The following GUF1 variants were observed in gnomAD, a reference collection of about 807,000 sequenced individuals.
GUF1 encodes the protein GTP binding elongation factor GUF1.
GUF1 carries 78 observed loss-of-function variants against 82.4 expected under a neutral mutation model. The ratio of observed to expected loss-of-function variants is 0.95; its 90% CI spans 0.79 to 1.14. The LOEUF (loss-of-function observed/expected upper bound fraction) is 1.14. Ranked by LOEUF, GUF1 falls within the 50% of genes most tolerant of loss-of-function variation. The pLI is 0.00. For synonymous variants in GUF1, 279 were observed against 282.3 expected (o/e 0.99, Z 0.12); for missense variants, 814 against 798.2 (o/e 1.02, Z -0.24).
In GUF1 at chr4:44,678,503, C is replaced by A. The variant is rs112313750; in HGVS notation, c.-120C>A. 5 of 806,556 alleles carry A rather than the reference C, an allele frequency of 6.2e-6. 1 individual carries two copies. In the African/African-American group the frequency reaches 7.3e-5, roughly 12 times the overall value. 50.0% of individuals were successfully genotyped at this position (806,556 alleles called of 1,614,324 possible). A position where few individuals can be genotyped will look rare whatever the true frequency, so the allele number is the denominator to read the frequency against. The stretch of plus-strand genomic sequence containing the variant: ...AGCTCCCCGGGGTTCATTGTCTTCG[C>A]TTCACAGGATCTGTTTGAGTCCTGT... On this transcript the variant is annotated 5_prime_UTR_variant, in exon 1 of 17. Transcript: ENST00000281543.
In GUF1 at chr4:44,689,984, T is replaced by G. The variant is rs1197484724; in HGVS notation, c.1335+9T>G. On this transcript the variant is annotated intron_variant, in intron 11 of 16. Coordinates refer to ENST00000281543, the MANE Select transcript of GUF1 (RefSeq NM_021927.3). ...CATCAAAATTGATAAAGGTACTTGG[T>G]ATTTAGTACTGGTATTTAGTACTGT... The G allele has an allele frequency of 6.4e-7, 1 of 1,559,160 alleles. No individual in the cohort carries two copies. Among genetic ancestry groups the G allele is most frequent in the Non-Finnish European group, 8.7e-7 (1 of 1,146,640 alleles).
At chr4:44,690,631 G>A (rs563747904) in intron 11 of GUF1, 86 bp from the exon 12 acceptor site, 3 of 720,026 alleles carry the variant, frequency 4.2e-6, no homozygotes, top group East Asian at 5.6e-5. Context: ...ATTACAGCTG[G>A]AGGGATTTTA....
At position 44,697,457 on chromosome 4, in the gene GUF1, T is replaced by C. The variant is rs1341588789; in HGVS notation, c.1872+13T>C. The C allele has an allele frequency of 9.0e-6, 13 of 1,436,810 alleles. No homozygotes were observed. Among genetic ancestry groups the C allele is most frequent in the Non-Finnish European group, 1.3e-5 (13 of 1,032,640 alleles). 89.0% of individuals were successfully genotyped at this position (1,436,810 alleles called of 1,614,324 possible). The stretch of plus-strand genomic sequence containing the variant: ...TTTGGCAAAATGTGTATGTATCTAG[T>C]TGTATTTATTCTACTTTATAACTTT... On this transcript the variant is annotated intron_variant, in intron 16 of 16. Transcript: ENST00000281543.
At chr4:44,682,844 C>T (rs987333341) in intron 5 of GUF1, among the ~76,000 whole-genome samples, 21 of 151,938 alleles carry the variant, frequency 1.4e-4, no homozygotes, top group Admixed American at 2.0e-4. Flanking sequence ...ATCTGCATTG[C>T]TTTAATTATA....
At position 44,686,004 on chromosome 4, in the gene GUF1, A is replaced by C. The variant is rs7666143; in HGVS notation, c.715A>C (p.Ile239Leu). The C allele has an allele frequency of 6.2e-7, 1 of 1,606,196 alleles. No homozygotes were observed. Among genetic ancestry groups the C allele is most frequent in the Non-Finnish European group, 8.5e-7 (1 of 1,173,920 alleles). The change falls in exon 7 of 17, where the codon ATT (isoleucine) becomes CTT (leucine). Residue 239 changes from isoleucine to leucine, a missense_variant. By Grantham distance (5) the Ile-to-Leu change is conservative. Transcript: ENST00000281543. ...AAATGTTGAGAGTGTTCTTCAGGCAATTATTGAAAGAATCCCCCCGTGAGT... is the reference window on the plus strand; with the variant it reads ...AAATGTTGAGAGTGTTCTTCAGGCACTTATTGAAAGAATCCCCCCGTGAGT... ...GTNVESVLQA[I>L]IERIPPPKVH...
At chr4:44,694,332 C>T (rs1715640605) in intron 13 of GUF1, 80 bp from the exon 14 acceptor site, 2 of 823,754 alleles carry the variant, frequency 2.4e-6, no homozygotes, top group African/African-American at 1.7e-5. Context: ...AGAAAGTAGA[C>T]ATTTAGTAAA....
At chr4:44,691,041 T>C (rs369605056) in intron 12 of GUF1, among the ~76,000 whole-genome samples, 181 bp downstream of exon 12, 7 of 151,812 alleles carry the variant, frequency 4.6e-5, no homozygotes, top group East Asian at 1.9e-4. Flanking sequence ...ATTTTGATTT[T>C]AAATAAAAAT....
intron 3 of GUF1, 38 bp downstream of exon 3, chr4:44,680,880 C>G: frequency 2.0e-6 from 3 of 1,529,474 alleles, no homozygotes; most frequent in Non-Finnish European, 2.7e-6. Flanking sequence ...TTGTTAAAGT[C>G]AACATTGTGT....
intron 1 of GUF1, among the ~76,000 whole-genome samples, chr4:44,679,123 T>G (rs984277353): frequency 4.6e-5 from 7 of 152,236 alleles, no homozygotes; most frequent in African/African-American, 1.7e-4. Flanking sequence ...AATATTAATA[T>G]AACGTCCATT....
Position 44,695,644 on chromosome 4 carries a change from T to C in GUF1, c.1745T>C (p.Ile582Thr), listed in dbSNP as rs767629572. Residue 582 changes from isoleucine (I) to threonine (T), a missense_variant, in exon 15 of 17, where the codon ATA becomes ACA. By Grantham distance (89) the Ile-to-Thr change is moderately conservative. Coordinates refer to ENST00000281543, the MANE Select transcript of GUF1 (RefSeq NM_021927.3). ...AAAGCTCATTCAATTGGCAAAGCCA[T>C]ATGTGAACGGCTGAAGGATTCTCTT... ...KDKAHSIGKA[I>T]CERLKDSLPR... 6.2e-6 allele frequency: 10 copies of C among 1,613,148 alleles called. No individual in the cohort carries two copies. Among genetic ancestry groups the C allele is most frequent in the Non-Finnish European group, 5.9e-6 (7 of 1,179,458 alleles).
At chr4:44,697,337 T>C in intron 15 of GUF1, 71 bp from the exon 16 acceptor site, 1 of 889,546 alleles carries the variant, frequency 1.1e-6, no homozygotes. Flanking sequence ...GGGGAGATTG[T>C]TTTTGGTAAG....
At position 44,692,554 on chromosome 4, in the gene GUF1, C is replaced by A. The variant is rs1249767169; in HGVS notation, c.1613+755C>A. On this transcript the variant is annotated intron_variant, in intron 13 of 16. Coordinates refer to ENST00000281543, the MANE Select transcript of GUF1 (RefSeq NM_021927.3). ...AAAATGAACATTGACATCTATAAAA[C>A]TCCCACACAGTGCATGAATGTTAAT... Among the ~76,000 whole-genome samples, 3 of 151,916 alleles carry A rather than the reference C, an allele frequency of 2.0e-5. No homozygotes were observed. The East Asian group carries it at 5.8e-4, about 29-fold the overall frequency.
chr4:44,686,785 G>A, intron 8 of GUF1, 72 bp downstream of exon 8: 1 of 1,017,572 alleles, frequency 9.8e-7, no homozygotes, highest in Non-Finnish European at 1.5e-6. Flanking sequence ...TCTCAACTTG[G>A]TATGCTTAGA....
chr4:44,699,166 A>G lies in GUF1; in HGVS notation c.*485A>G, dbSNP rs1433133830. The stretch of plus-strand genomic sequence containing the variant: ...AGTGGTTTGTAACATCGATGAGGAA[A>G]AAAAATTGGTTTATGCGTCATTTCA... On this transcript the variant is annotated 3_prime_UTR_variant, in exon 17 of 17. Coordinates refer to ENST00000281543, the MANE Select transcript of GUF1 (RefSeq NM_021927.3). The G allele has an allele frequency of 6.6e-6, 1 of 152,300 alleles. No individual in the cohort carries two copies. Among genetic ancestry groups the G allele is most frequent in the Admixed American group, 6.5e-5 (1 of 15,272 alleles). The allele number at this position is 152,300 out of a possible 1,614,324, so 9.4% of individuals were successfully genotyped here. A position where few individuals can be genotyped will look rare whatever the true frequency, so the allele number is the denominator to read the frequency against.
At chr4:44,692,835 C>T (rs1715533449) in intron 13 of GUF1, among the ~76,000 whole-genome samples, 1 of 151,966 alleles carries the variant, frequency 6.6e-6, no homozygotes, top group Non-Finnish European at 1.5e-5. Flanking sequence ...AATTGAGGGG[C>T]ATATTAAAAT....
At chr4:44,690,340 G>A (rs575761311) in intron 11 of GUF1, among the ~76,000 whole-genome samples, 1 of 151,860 alleles carries the variant, frequency 6.6e-6, no homozygotes, top group African/African-American at 2.4e-5. Context: ...AAAAAGTGAA[G>A]CATTCATTCT....
In GUF1 at chr4:44,686,652, A is replaced by C. The variant is rs1423015278; in HGVS notation, c.877A>C (p.Lys293Gln). Residue 293 changes from lysine (K) to glutamine (Q), a missense_variant, in exon 8 of 17, where the codon AAG becomes CAG. Transcript: ENST00000281543. ...TAAAATTGTATCTGCACATACTCAA[A>C]AGACATACGAAGTTAATGAAGTAGG... is the stretch of plus-strand genomic sequence containing the variant. ...GDKIVSAHTQ[K>Q]TYEVNEVGVL... The C allele has an allele frequency of 5.6e-6, 9 of 1,611,968 alleles. No homozygotes were observed. The highest frequency in any genetic ancestry group is 7.6e-6 in the Non-Finnish European group (9 of 1,178,428).
chr4:44,692,994 G>C (rs1197623796), intron 13 of GUF1, among the ~76,000 whole-genome samples: 1 of 151,920 alleles, frequency 6.6e-6, no homozygotes, highest in Non-Finnish European at 1.5e-5. Flanking sequence ...AATACATTTT[G>C]AATTTAATGA....
intron 16 of GUF1, 21 bp downstream of exon 16, chr4:44,697,465 AT>A: frequency 7.3e-7 from 1 of 1,369,620 alleles, no homozygotes; most frequent in East Asian, 2.4e-5. Context: ...AGTTGTATTT[AT>A]TCTACTTTAT....
Sources: gnomAD v4.1 joint callset for allele counts (sites outside exome capture counted in the v4.1 genomes callset) on GRCh38, gnomAD v4.1.1 for gene constraint, MANE v1.5 for transcripts, NCBI Gene and HGNC (gene_info 2026-07-23, HGNC 2026-07-21) for gene names.